Variants in FAM117B observed in about 807,000 individuals in gnomAD.
The protein encoded by FAM117B is family with sequence similarity 117 member B, also known as protein FAM117B.
A neutral mutation model predicts 52.8 loss-of-function variants in FAM117B; 22 were observed. The observed-to-expected ratio is 0.42, with a 90% CI of 0.30 to 0.59. The LOEUF (loss-of-function observed/expected upper bound fraction) is 0.59. FAM117B is among the 20% of genes least tolerant of loss of function. The pLI, the probability that FAM117B is intolerant of heterozygous loss-of-function variation, is 0.22. For missense variants in FAM117B, 678 were observed against 802.6 expected, an observed-to-expected ratio of 0.84 and a Z score of 1.88; for synonymous variants, 309 against 324.1, an observed-to-expected ratio of 0.95 and a Z score of 0.50.
intron 1 of FAM117B, among the ~76,000 whole-genome samples, chr2:202,678,411 A>C (rs1690410067): frequency 6.6e-6 from 1 of 152,152 alleles, no homozygotes; most frequent in South Asian, 2.1e-4. Flanking sequence ...CCGTGAAAAA[A>C]CTGGCCCTCC....
At chr2:202,685,287 T>C (rs912920305) in intron 1 of FAM117B, among the ~76,000 whole-genome samples, 3 of 152,158 alleles carry the variant, frequency 2.0e-5, no homozygotes, top group Admixed American at 2.0e-4. Flanking sequence ...GCCTGGCCAA[T>C]TATCTCAATT....
At position 202,767,128 on chromosome 2, in the gene FAM117B, G is replaced by A. The variant is rs541633941; in HGVS notation, c.*1364G>A. On this transcript the variant is annotated 3_prime_UTR_variant, in exon 8 of 8. Transcript: ENST00000392238. ...CACATGACATCAGTATGTGATTTCT[G>A]GGTATGTGGTAGTGAGATTAAGGAG... The A allele has an allele frequency of 6.6e-6, 1 of 150,810 alleles. No individual in the cohort carries two copies. The highest frequency in any genetic ancestry group is 6.6e-5 in the Admixed American group (1 of 15,078). 9.3% of individuals were successfully genotyped at this position (150,810 alleles called of 1,614,324 possible).
intron 1 of FAM117B, among the ~76,000 whole-genome samples, chr2:202,687,078 C>T (rs886939384): frequency 2.0e-5 from 3 of 152,052 alleles, no homozygotes; most frequent in African/African-American, 4.8e-5. Context: ...ATAATTACCA[C>T]CACATATATT....
At chr2:202,733,615 C>T (rs1412239753) in intron 4 of FAM117B, among the ~76,000 whole-genome samples, 2 of 152,206 alleles carry the variant, frequency 1.3e-5, no homozygotes. Context: ...CATTTATAGG[C>T]TCTCTGTAAG....
intron 4 of FAM117B, among the ~76,000 whole-genome samples, chr2:202,729,203 G>A (rs559355080): frequency 2.0e-5 from 3 of 152,206 alleles, no homozygotes; most frequent in African/African-American, 7.2e-5. Context: ...CGAGGCTGGC[G>A]GGTGCCTGTA....
In FAM117B at chr2:202,640,295, A is replaced by ATATATATATATATATATATATAT. The variant is rs1559091986; in HGVS notation, c.601+4507_601+4508insTATATATATATATATATATATAT. On this transcript the variant is annotated intron_variant, in intron 1 of 7. Transcript: ENST00000392238. ...ACAACAACCACCACCACCACCACAA[A>ATATATATATATATATATATATAT]ATATATATATATATATATATATATA... is the stretch of plus-strand genomic sequence containing the variant. Among the ~76,000 whole-genome samples, 2 of 51,312 alleles carry ATATATATATATATATATATATAT rather than the reference A, an allele frequency of 3.9e-5. 1 individual carries two copies. Among genetic ancestry groups the ATATATATATATATATATATATAT allele is most frequent in the Non-Finnish European group, 6.8e-5 (2 of 29,212 alleles). The allele number at this position is 51,312 out of a possible 152,430, so 33.7% of individuals were successfully genotyped here. A position where few individuals can be genotyped will look rare whatever the true frequency, so the allele number is the denominator to read the frequency against.
chr2:202,636,166 CTT>C (rs1689683645), intron 1 of FAM117B, among the ~76,000 whole-genome samples: 1 of 152,220 alleles, frequency 6.6e-6, no homozygotes, highest in East Asian at 1.9e-4. Flanking sequence ...TGGTTTGTCA[CTT>C]TGTTTTAGGG....
At chr2:202,695,817 A>G (rs1690701080) in intron 1 of FAM117B, 64 bp from the exon 2 acceptor site, 1 of 1,501,000 alleles carries the variant, frequency 6.7e-7, no homozygotes, top group Non-Finnish European at 9.0e-7. Flanking sequence ...ATAGTTTAAA[A>G]CTTAGTTTCT....
chr2:202,666,416 G>T (rs1431796336), intron 1 of FAM117B, among the ~76,000 whole-genome samples: 1 of 151,744 alleles, frequency 6.6e-6, no homozygotes, highest in East Asian at 1.9e-4. Context: ...ACACACATAT[G>T]TACCATATGT....
At chr2:202,700,434 T>G (rs962013900) in intron 2 of FAM117B, among the ~76,000 whole-genome samples, 5 of 152,222 alleles carry the variant, frequency 3.3e-5, no homozygotes, top group African/African-American at 1.2e-4. Flanking sequence ...GCCACAACAT[T>G]TCATTAAGCC....
At chr2:202,705,320 A>T (rs997115273) in intron 2 of FAM117B, among the ~76,000 whole-genome samples, 1 of 152,058 alleles carries the variant, frequency 6.6e-6, no homozygotes, top group African/African-American at 2.4e-5. Context: ...GAAAAAAAAA[A>T]CAAAAAAAGT....
chr2:202,686,583 G>A (rs1204190542), intron 1 of FAM117B, among the ~76,000 whole-genome samples: 1 of 152,142 alleles, frequency 6.6e-6, no homozygotes, highest in African/African-American at 2.4e-5. Flanking sequence ...AAGCCGAGGC[G>A]GATCACTTGA....
chr2:202,644,064 G>GTTTTTTTTTTTTT (rs1161026426), intron 1 of FAM117B, among the ~76,000 whole-genome samples: 97 of 95,136 alleles, frequency 1.0e-3, no homozygotes, highest in East Asian at 2.0e-3. Flanking sequence ...TTTTTTTTTT[G>GTTTTTTTTTTTTT]TTTTTTTTTT....
chr2:202,718,724 A>G (rs1378655303), intron 2 of FAM117B, among the ~76,000 whole-genome samples: 4 of 152,130 alleles, frequency 2.6e-5, no homozygotes, highest in South Asian at 2.1e-4. Flanking sequence ...ACCTGGCCCT[A>G]TGTGCTCCAC....
intron 4 of FAM117B, among the ~76,000 whole-genome samples, chr2:202,735,242 A>ATT (rs1474728515): frequency 1.3e-5 from 2 of 152,056 alleles, no homozygotes; most frequent in Admixed American, 6.6e-5. Context: ...TTTTTATATT[A>ATT]TTTGATTAGG....
chr2:202,733,316 A>T (rs935112034), intron 4 of FAM117B, among the ~76,000 whole-genome samples: 1 of 152,244 alleles, frequency 6.6e-6, no homozygotes, highest in Non-Finnish European at 1.5e-5. Flanking sequence ...AGCTGTGCAC[A>T]TATTGTCTTG....
chr2:202,662,404 G>GA (rs1389629804), intron 1 of FAM117B, among the ~76,000 whole-genome samples: 3 of 152,094 alleles, frequency 2.0e-5, no homozygotes, highest in African/African-American at 7.2e-5. Flanking sequence ...AGGAGGAGGG[G>GA]ACTGGGAAAA....
At chr2:202,676,658 G>T (rs1354346700) in intron 1 of FAM117B, among the ~76,000 whole-genome samples, 1 of 152,152 alleles carries the variant, frequency 6.6e-6, no homozygotes, top group Non-Finnish European at 1.5e-5. Context: ...GATTACAGAT[G>T]TGGGCCACCG....
In FAM117B at chr2:202,768,607, C is replaced by A. The variant is rs1692023105; in HGVS notation, c.*2843C>A. The A allele has an allele frequency of 6.6e-6, 1 of 152,182 alleles. No homozygotes were observed. Among genetic ancestry groups the A allele is most frequent in the Non-Finnish European group, 1.5e-5 (1 of 67,946 alleles). The allele number at this position is 152,182 out of a possible 1,614,324, so 9.4% of individuals were successfully genotyped here. On this transcript the variant is annotated 3_prime_UTR_variant, in exon 8 of 8. Transcript: ENST00000392238. The stretch of plus-strand genomic sequence containing the variant: ...AGCTGTTTTATTTAACCCTTAGTTC[C>A]CTGGTGGTTGATTTTTTTTTTAAAT...
Sources: gnomAD v4.1 joint callset for allele counts (sites outside exome capture counted in the v4.1 genomes callset) on GRCh38, gnomAD v4.1.1 for gene constraint, MANE v1.5 for transcripts, NCBI Gene and HGNC (gene_info 2026-07-23, HGNC 2026-07-21) for gene names.